PRKCA: variants seen among roughly 807,000 people sequenced by gnomAD.
The protein encoded by PRKCA is protein kinase C alpha.
PRKCA carries 27 observed loss-of-function variants against 87.0 expected under a neutral mutation model. The ratio of observed to expected loss-of-function variants is 0.31; its 90% CI spans 0.23 to 0.43. The LOEUF (loss-of-function observed/expected upper bound fraction) is 0.43, where lower values mean the gene tolerates loss of function less well. Among genes scored for constraint, PRKCA ranks in the 20% least tolerant of loss-of-function variants. The pLI is 1.00. For missense variants in PRKCA, 518 were observed against 852.3 expected (o/e 0.61, Z 4.88); for synonymous variants, 329 against 311.1 (o/e 1.06, Z -0.61).
intron 2 of PRKCA, among the ~76,000 whole-genome samples, chr17:66,467,543 A>G (rs1404379870): frequency 6.6e-6 from 1 of 152,172 alleles, no homozygotes; most frequent in Non-Finnish European, 1.5e-5. Flanking sequence ...TTTAAAAATT[A>G]GAATGAAATT....
intron 2 of PRKCA, among the ~76,000 whole-genome samples, chr17:66,462,406 A>G (rs1170829100): frequency 6.6e-6 from 1 of 152,212 alleles, no homozygotes; most frequent in African/African-American, 2.4e-5. Flanking sequence ...TCTAATAGCT[A>G]AAGTTTGCCT....
chr17:66,742,495 C>T, intron 12 of PRKCA, 127 bp from the exon 13 acceptor site: 3 of 992,218 alleles, frequency 3.0e-6, no homozygotes, highest in African/African-American at 1.6e-5. Context: ...ATACTACAGT[C>T]CAGGGACTTA....
At chr17:66,555,673 A>G (rs989808151) in intron 3 of PRKCA, among the ~76,000 whole-genome samples, 6 of 152,156 alleles carry the variant, frequency 3.9e-5, no homozygotes, top group African/African-American at 1.4e-4. Flanking sequence ...AACTCCACCC[A>G]GGTTCTTATT....
At chr17:66,636,118 C>T (rs1047253508) in intron 3 of PRKCA, among the ~76,000 whole-genome samples, 9 of 152,136 alleles carry the variant, frequency 5.9e-5, no homozygotes, top group African/African-American at 1.9e-4. Flanking sequence ...CATTTAGGCT[C>T]CAGATGAGGA....
At chr17:66,501,644 G>C (rs575895298) in intron 3 of PRKCA, among the ~76,000 whole-genome samples, 1 of 152,174 alleles carries the variant, frequency 6.6e-6, no homozygotes, top group South Asian at 2.1e-4. Flanking sequence ...ATGTTTCCAG[G>C]TGTGTGGCCC....
intron 3 of PRKCA, among the ~76,000 whole-genome samples, chr17:66,519,696 T>A (rs1293122626): frequency 6.6e-6 from 1 of 152,208 alleles, no homozygotes; most frequent in Non-Finnish European, 1.5e-5. Context: ...CCAGCAGTTC[T>A]CAAAGGGGCT....
intron 2 of PRKCA, among the ~76,000 whole-genome samples, chr17:66,470,411 A>G (rs1053018466): frequency 2.0e-5 from 3 of 149,176 alleles, no homozygotes; most frequent in African/African-American, 7.4e-5. Flanking sequence ...TATTTTTAGT[A>G]GAAACGGGGT....
At chr17:66,444,384 G>A (rs1913926247) in intron 2 of PRKCA, among the ~76,000 whole-genome samples, 1 of 152,192 alleles carries the variant, frequency 6.6e-6, no homozygotes, top group South Asian at 2.1e-4. Flanking sequence ...ATGATGGCCT[G>A]TCATAGTTTA....
In PRKCA at chr17:66,302,778, C is replaced by A; in HGVS notation, c.-74C>A. On this transcript the variant is annotated 5_prime_UTR_variant, in exon 1 of 17. Coordinates refer to ENST00000413366, the MANE Select transcript of PRKCA (RefSeq NM_002737.3). ...GGTCGCCCCGAGCCCGCACCTCTCC[C>A]CCGCCGCCCCCGCCCACCCGGCCCT... The A allele has an allele frequency of 7.4e-7, 1 of 1,354,566 alleles. No individual in the cohort carries two copies. The highest frequency in any genetic ancestry group is 9.7e-7 in the Non-Finnish European group (1 of 1,036,168). 83.9% of individuals were successfully genotyped at this position (1,354,566 alleles called of 1,614,324 possible).
intron 5 of PRKCA, among the ~76,000 whole-genome samples, chr17:66,650,661 G>A (rs1167836073): frequency 1.3e-5 from 2 of 152,054 alleles, no homozygotes; most frequent in African/African-American, 4.8e-5. Flanking sequence ...CTTCCTCCCA[G>A]CTCTTACGGC....
chr17:66,527,488 A>G (rs1305085929), intron 3 of PRKCA, among the ~76,000 whole-genome samples: 2 of 152,126 alleles, frequency 1.3e-5, no homozygotes, highest in East Asian at 3.9e-4. Context: ...ATGATGTTAG[A>G]CAATAGGGTG....
chr17:66,514,530 T>C (rs1966900621), intron 3 of PRKCA, among the ~76,000 whole-genome samples: 1 of 152,168 alleles, frequency 6.6e-6, no homozygotes, highest in Non-Finnish European at 1.5e-5. Context: ...CTCTCCTCAT[T>C]TAACAAAATG....
intron 2 of PRKCA, among the ~76,000 whole-genome samples, chr17:66,453,735 T>G (rs1914445777): frequency 2.0e-5 from 3 of 152,202 alleles, no homozygotes; most frequent in Admixed American, 2.0e-4. Flanking sequence ...TAGGGCTTCC[T>G]GGGACTCTTC....
At chr17:66,525,160 A>C (rs1352525565) in intron 3 of PRKCA, among the ~76,000 whole-genome samples, 2 of 152,112 alleles carry the variant, frequency 1.3e-5, no homozygotes, top group African/African-American at 4.8e-5. Flanking sequence ...CAGCCACAGA[A>C]GTTCTGATTA....
At chr17:66,556,735 T>G (rs1968507352) in intron 3 of PRKCA, among the ~76,000 whole-genome samples, 1 of 152,212 alleles carries the variant, frequency 6.6e-6, no homozygotes, top group South Asian at 2.1e-4. Flanking sequence ...GCTCTCATTC[T>G]TCTCTCTCCT....
chr17:66,533,979 G>A (rs1301113813), intron 3 of PRKCA, among the ~76,000 whole-genome samples: 1 of 151,666 alleles, frequency 6.6e-6, no homozygotes, highest in East Asian at 1.9e-4. Context: ...TGGAGGAGTG[G>A]GAAGTGGAGC....
intron 16 of PRKCA, among the ~76,000 whole-genome samples, chr17:66,791,444 G>A (rs1975532176): frequency 1.3e-5 from 2 of 152,190 alleles, no homozygotes; most frequent in Non-Finnish European, 2.9e-5. Context: ...AGGGAACAAC[G>A]ACAGTGAAGA....
intron 13 of PRKCA, among the ~76,000 whole-genome samples, chr17:66,768,583 G>A (rs899919448): frequency 1.3e-5 from 2 of 152,210 alleles, no homozygotes; most frequent in Non-Finnish European, 2.9e-5. Flanking sequence ...GAGGTCTCAG[G>A]AAACTTACAA....
intron 3 of PRKCA, among the ~76,000 whole-genome samples, chr17:66,501,769 C>T (rs999077773): frequency 1.3e-5 from 2 of 152,214 alleles, no homozygotes; most frequent in Non-Finnish European, 2.9e-5. Flanking sequence ...TCCCCCTTCT[C>T]CACCAAATTA....
Sources: gnomAD v4.1 joint callset for allele counts (sites outside exome capture counted in the v4.1 genomes callset) on GRCh38, gnomAD v4.1.1 for gene constraint, MANE v1.5 for transcripts, NCBI Gene and HGNC (gene_info 2026-07-23, HGNC 2026-07-21) for gene names.